The following FGF7 variants were observed in gnomAD, a reference collection of about 807,000 sequenced individuals.
FGF7 encodes the protein fibroblast growth factor 7, also known as FGF-7.
FGF7 carries 6 observed loss-of-function variants against 20.5 expected under a neutral mutation model. The observed-to-expected ratio is 0.29, with a 90% CI of 0.16 to 0.58. FGF7 has a LOEUF of 0.58. Ranked by LOEUF, FGF7 falls within the 20% of genes least tolerant of loss-of-function variation. The probability of loss-of-function intolerance (pLI) is 0.90; values close to 1 mark genes in which losing one functional copy is unlikely to be tolerated. For synonymous variants in FGF7, 64 were observed against 74.7 expected, an observed-to-expected ratio of 0.86 and a Z score of 0.74; for missense variants, 144 against 228.8, an observed-to-expected ratio of 0.63 and a Z score of 2.39.
chr15:49,487,769 A>AT lies in FGF7; in HGVS notation c.*3270dup, dbSNP rs762802336. 6.6e-6 allele frequency: 1 copy of AT among 151,906 alleles called. No individual in the cohort carries two copies. Among genetic ancestry groups the AT allele is most frequent in the Non-Finnish European group, 1.5e-5 (1 of 67,894 alleles). The allele number at this position is 151,906 out of a possible 1,614,324, so 9.4% of individuals were successfully genotyped here. On this transcript the variant is annotated 3_prime_UTR_variant, in exon 4 of 4. Transcript: ENST00000267843. ...TTTCTTTTCTCTTAAGACTCATGTG[A>AT]TTTTTGCATCTTACTCCATAATATA...
intron 2 of FGF7, among the ~76,000 whole-genome samples, chr15:49,464,185 A>G (rs1286478358): frequency 1.3e-5 from 2 of 152,122 alleles, no homozygotes; most frequent in African/African-American, 4.8e-5. Context: ...AGGTAATCAG[A>G]ATCTCCACAG....
At position 49,487,181 on chromosome 15, in the gene FGF7, A is replaced by T. The variant is rs2152036814; in HGVS notation, c.*2677A>T. 6.6e-6 allele frequency: 1 copy of T among 151,974 alleles called. No individual in the cohort carries two copies. The highest frequency in any genetic ancestry group is 1.9e-4 in the East Asian group (1 of 5,184). The allele number at this position is 151,974 out of a possible 1,614,324, so 9.4% of individuals were successfully genotyped here. ...TGATTTGACTCAAAAGGAGAAAAGA[A>T]ATTATGTAGTTTTCAATTCTGATTC... On this transcript the variant is annotated 3_prime_UTR_variant, in exon 4 of 4. Coordinates refer to ENST00000267843, the MANE Select transcript of FGF7 (RefSeq NM_002009.4).
chr15:49,454,000 A>T (rs1236406051), intron 2 of FGF7, among the ~76,000 whole-genome samples: 1 of 152,104 alleles, frequency 6.6e-6, no homozygotes, highest in African/African-American at 2.4e-5. Flanking sequence ...ATATTCTCTT[A>T]AACTGAATCC....
intron 2 of FGF7, among the ~76,000 whole-genome samples, chr15:49,438,846 T>G (rs373650863): frequency 8.4e-6 from 1 of 119,044 alleles, no homozygotes. Context: ...AGAGAGAGAG[T>G]GGGTGGTAAG....
At chr15:49,472,704 CAAAG>C (rs2054887960) in intron 2 of FGF7, among the ~76,000 whole-genome samples, 1 of 151,496 alleles carries the variant, frequency 6.6e-6, no homozygotes, top group Non-Finnish European at 1.5e-5. Flanking sequence ...ACTTAAGGGG[CAAAG>C]ATATGACAAG....
At chr15:49,428,581 G>GAA (rs2050323894) in intron 2 of FGF7, among the ~76,000 whole-genome samples, 1 of 151,780 alleles carries the variant, frequency 6.6e-6, no homozygotes, top group Non-Finnish European at 1.5e-5. Context: ...TTTAAGCTGA[G>GAA]TATTGAGGTG....
In FGF7 at chr15:49,450,110, A is replaced by G. The variant is rs954514851; in HGVS notation, c.286+25527A>G. Among the ~76,000 whole-genome samples the G allele has an allele frequency of 3.9e-5, 6 of 152,166 alleles. No individual in the cohort carries two copies. In the East Asian group the frequency reaches 1.2e-3, roughly 29 times the overall value. On this transcript the variant is annotated intron_variant, in intron 2 of 3. Coordinates refer to ENST00000267843, the MANE Select transcript of FGF7 (RefSeq NM_002009.4). ...GAAACAAATTAAAACGGAGTTGTGG[A>G]ATAAACATGCCTTCTTACAGGGAAA...
chr15:49,445,001 T>C (rs2052052094), intron 2 of FGF7, among the ~76,000 whole-genome samples: 1 of 151,652 alleles, frequency 6.6e-6, no homozygotes, highest in African/African-American at 2.4e-5. Flanking sequence ...TATTCATATA[T>C]TCATATATGA....
intron 2 of FGF7, among the ~76,000 whole-genome samples, chr15:49,427,933 G>C (rs1261898161): frequency 6.6e-6 from 1 of 151,910 alleles, no homozygotes; most frequent in Non-Finnish European, 1.5e-5. Flanking sequence ...AAGCTATCCT[G>C]GATTGTGAGG....
intron 2 of FGF7, among the ~76,000 whole-genome samples, chr15:49,473,048 T>C (rs1422399081): frequency 6.6e-6 from 1 of 152,160 alleles, no homozygotes; most frequent in Non-Finnish European, 1.5e-5. Flanking sequence ...TTTCCAAAGG[T>C]ACTTGGGGGA....
In FGF7 at chr15:49,439,332, G is replaced by A. The variant is rs189844728; in HGVS notation, c.286+14749G>A. On this transcript the variant is annotated intron_variant, in intron 2 of 3. Coordinates refer to ENST00000267843, the MANE Select transcript of FGF7 (RefSeq NM_002009.4). ...AGAGAGAGAAAGGGAGGCAGAGAGA[G>A]AGAGAATCTTTAAGATGGAAATTGC... Among the ~76,000 whole-genome samples the A allele has an allele frequency of 5.9e-5, 9 of 151,746 alleles. No homozygotes were observed. In the East Asian group the frequency reaches 1.4e-3, roughly 23 times the overall value.
intron 2 of FGF7, among the ~76,000 whole-genome samples, chr15:49,472,398 G>A (rs1273359068): frequency 6.6e-6 from 1 of 152,088 alleles, no homozygotes; most frequent in African/African-American, 2.4e-5. Flanking sequence ...GAGCATAAAG[G>A]GCTTCTGCTG....
chr15:49,433,881 G>A lies in FGF7; in HGVS notation c.286+9298G>A, dbSNP rs182647547. Among the ~76,000 whole-genome samples, 15 of 151,826 alleles carry A rather than the reference G, an allele frequency of 9.9e-5. No homozygotes were observed. In the East Asian group the frequency reaches 2.7e-3, roughly 28 times the overall value. ...GTTGATATTGGTTTAAGGAATATCTGCATTAGAGACAAAAAGAGAAAAAGT... is the reference window on the plus strand; with the variant it reads ...GTTGATATTGGTTTAAGGAATATCTACATTAGAGACAAAAAGAGAAAAAGT... On this transcript the variant is annotated intron_variant, in intron 2 of 3. Coordinates refer to ENST00000267843, the MANE Select transcript of FGF7 (RefSeq NM_002009.4).
At chr15:49,444,328 T>G (rs192961659) in intron 2 of FGF7, among the ~76,000 whole-genome samples, 1 of 151,862 alleles carries the variant, frequency 6.6e-6, no homozygotes, top group Admixed American at 6.6e-5. Context: ...TAAAACATGC[T>G]ACTATGAAAA....
rs2056215826 is a variant in FGF7, at chr15:49,484,302, T to C, written c.391-8T>C. 4 of 1,581,702 alleles carry C rather than the reference T, an allele frequency of 2.5e-6. No individual in the cohort carries two copies. The highest frequency in any genetic ancestry group is 3.4e-6 in the Non-Finnish European group (4 of 1,169,254). The stretch of plus-strand genomic sequence containing the variant: ...GGATAATGTCTGTTTGTTTGTTTGT[T>C]TTAACAGAAAGAATGCAATGAAGAT... On this transcript the variant is annotated splice_polypyrimidine_tract_variant and splice_region_variant and intron_variant, in intron 3 of 3. Transcript: ENST00000267843.
chr15:49,430,282 C>T (rs2050485175), intron 2 of FGF7, among the ~76,000 whole-genome samples: 1 of 151,882 alleles, frequency 6.6e-6, no homozygotes, highest in African/African-American at 2.4e-5. Flanking sequence ...TCTTCTGACA[C>T]TTTAAAGTGG....
intron 2 of FGF7, among the ~76,000 whole-genome samples, chr15:49,433,930 C>T (rs2050849560): frequency 6.6e-6 from 1 of 151,674 alleles, no homozygotes; most frequent in African/African-American, 2.4e-5. Context: ...ATGAGCTATA[C>T]TAGAAAACAA....
At chr15:49,457,733 A>T (rs948277701) in intron 2 of FGF7, among the ~76,000 whole-genome samples, 2 of 151,914 alleles carry the variant, frequency 1.3e-5, no homozygotes, top group African/African-American at 4.8e-5. Context: ...ATAGATGACA[A>T]GTTTTGAGGC....
intron 2 of FGF7, among the ~76,000 whole-genome samples, chr15:49,474,119 T>G (rs1328140017): frequency 6.6e-6 from 1 of 152,176 alleles, no homozygotes; most frequent in African/African-American, 2.4e-5. Flanking sequence ...AAGGAGATGG[T>G]GAGATTGTAT....
Sources: gnomAD v4.1 joint callset for allele counts (sites outside exome capture counted in the v4.1 genomes callset) on GRCh38, gnomAD v4.1.1 for gene constraint, MANE v1.5 for transcripts, NCBI Gene and HGNC (gene_info 2026-07-23, HGNC 2026-07-21) for gene names.